HACE1: variants seen among roughly 807,000 people sequenced by gnomAD.
The protein encoded by HACE1 is HECT domain and ankyrin repeat containing E3 ubiquitin protein ligase 1.
A neutral mutation model predicts 118.4 loss-of-function variants in HACE1; 73 were observed. The observed-to-expected ratio is 0.62, with a 90% CI of 0.51 to 0.75. The LOEUF is 0.75. Ranked by LOEUF, HACE1 falls within the 30% of genes least tolerant of loss-of-function variation. The pLI, the probability that HACE1 is intolerant of heterozygous loss-of-function variation, is 0.00. For synonymous variants in HACE1, 368 were observed against 374.8 expected, an observed-to-expected ratio of 0.98 and a Z score of 0.21; for missense variants, 749 against 1,102.2, an observed-to-expected ratio of 0.68 and a Z score of 4.54.
At chr6:104,806,317 T>A (rs1770991093) in intron 7 of HACE1, among the ~76,000 whole-genome samples, 1 of 151,948 alleles carries the variant, frequency 6.6e-6, no homozygotes, top group East Asian at 1.9e-4. Context: ...GAAAAATTAG[T>A]TCAGTATGGT....
At chr6:104,790,115 C>T (rs1313522534) in intron 11 of HACE1, among the ~76,000 whole-genome samples, 3 of 151,102 alleles carry the variant, frequency 2.0e-5, no homozygotes, top group African/African-American at 7.3e-5. Context: ...TGCACACACA[C>T]ACATACATAT....
At chr6:104,738,109 T>C (rs1393349724) in intron 22 of HACE1, among the ~76,000 whole-genome samples, 2 of 151,762 alleles carry the variant, frequency 1.3e-5, no homozygotes, top group African/African-American at 2.4e-5. Context: ...CTGAGGGTCC[T>C]GTCTGTTAGA....
chr6:104,734,142 C>CAAAAAAAAAAAA (rs11370746), intron 22 of HACE1, among the ~76,000 whole-genome samples: 2 of 87,174 alleles, frequency 2.3e-5, no homozygotes, highest in African/African-American at 4.1e-5. Flanking sequence ...GACTCTTCCT[C>CAAAAAAAAAAAA]AAAAAAAAAA....
intron 1 of HACE1, among the ~76,000 whole-genome samples, chr6:104,852,601 T>C (rs527293357): frequency 3.9e-5 from 6 of 152,222 alleles, no homozygotes; most frequent in Non-Finnish European, 8.8e-5. Flanking sequence ...GCTTAGCTTC[T>C]GGATGTAAAA....
chr6:104,848,937 G>A (rs1260981068), intron 4 of HACE1, among the ~76,000 whole-genome samples: 1 of 151,894 alleles, frequency 6.6e-6, no homozygotes, highest in African/African-American at 2.4e-5. Context: ...TGAATATAAT[G>A]ACCCCAGATC....
In HACE1 at chr6:104,771,991, A is replaced by T; in HGVS notation, c.1948T>A (p.Leu650Ile). The change falls in exon 18 of 24, where the codon TTA becomes ATA. Residue 650 changes from leucine (L) to isoleucine (I), a missense_variant. Coordinates refer to ENST00000262903, the MANE Select transcript of HACE1 (RefSeq NM_020771.4). ...ACCAGCTGCCTGTGGTTCAACGCTAATCCCAAGATCTGCCCAGCAAACCGA... is the reference window on the plus strand; with the variant it reads ...ACCAGCTGCCTGTGGTTCAACGCTATTCCCAAGATCTGCCCAGCAAACCGA... ...YFRFAGQILG[L>I]ALNHRQLVNI... 1 of 1,608,936 alleles carries T rather than the reference A, an allele frequency of 6.2e-7. No individual in the cohort carries two copies. Among genetic ancestry groups the T allele is most frequent in the Non-Finnish European group, 8.5e-7 (1 of 1,175,350 alleles).
At chr6:104,757,138 G>A (rs1001988185) in intron 19 of HACE1, among the ~76,000 whole-genome samples, 2 of 152,176 alleles carry the variant, frequency 1.3e-5, no homozygotes, top group South Asian at 2.1e-4. Context: ...GGGGCAGGAC[G>A]TACCTGAACA....
At chr6:104,765,139 C>T (rs1283991252) in intron 19 of HACE1, among the ~76,000 whole-genome samples, 2 of 152,162 alleles carry the variant, frequency 1.3e-5, no homozygotes, top group African/African-American at 2.4e-5. Flanking sequence ...ACATGGCAAA[C>T]ACATTATTTT....
At chr6:104,804,355 A>G (rs1014054269) in intron 7 of HACE1, among the ~76,000 whole-genome samples, 1 of 152,224 alleles carries the variant, frequency 6.6e-6, no homozygotes, top group Admixed American at 6.5e-5. Flanking sequence ...ACAGAATTGG[A>G]AAAAACTACT....
At chr6:104,824,909 TAAAAAAAAAA>T (rs575110963) in intron 6 of HACE1, 1 of 135,950 alleles carries the variant, frequency 7.4e-6, no homozygotes, top group Non-Finnish European at 1.6e-5. Context: ...CCGTCTCTAC[TAAAAAAAAAA>T]AAAAATACAA....
intron 7 of HACE1, among the ~76,000 whole-genome samples, chr6:104,807,258 G>A (rs1377879330): frequency 6.6e-6 from 1 of 151,948 alleles, no homozygotes; most frequent in African/African-American, 2.4e-5. Context: ...TCTTGACCTC[G>A]TGATCCACCC....
At chr6:104,825,310 G>C (rs147758732) in intron 6 of HACE1, among the ~76,000 whole-genome samples, 6 of 152,044 alleles carry the variant, frequency 3.9e-5, no homozygotes, top group Non-Finnish European at 7.4e-5. Context: ...ACCTCTTTGC[G>C]AGGCAGATGG....
At chr6:104,748,816 A>G (rs1777726803) in intron 20 of HACE1, among the ~76,000 whole-genome samples, 1 of 152,212 alleles carries the variant, frequency 6.6e-6, no homozygotes, top group African/African-American at 2.4e-5. Flanking sequence ...CATTCTATTT[A>G]CATAATTCTA....
intron 1 of HACE1, among the ~76,000 whole-genome samples, chr6:104,853,244 T>C (rs1434728907): frequency 6.6e-6 from 1 of 152,228 alleles, no homozygotes; most frequent in East Asian, 1.9e-4. Context: ...CTTCCCAGCT[T>C]CCAGAACTGT....
At chr6:104,810,614 T>C (rs552895350) in intron 7 of HACE1, among the ~76,000 whole-genome samples, 3 of 152,208 alleles carry the variant, frequency 2.0e-5, no homozygotes, top group Admixed American at 1.3e-4. Flanking sequence ...TGTGACGGCA[T>C]GTGTATAATT....
intron 19 of HACE1, among the ~76,000 whole-genome samples, chr6:104,752,147 T>C (rs867100912): frequency 1.3e-5 from 2 of 152,122 alleles, no homozygotes; most frequent in South Asian, 2.1e-4. Flanking sequence ...ATCTCTGCTA[T>C]TCAATCTAGT....
intron 22 of HACE1, among the ~76,000 whole-genome samples, chr6:104,739,977 A>G (rs1776444324): frequency 6.6e-6 from 1 of 151,512 alleles, no homozygotes; most frequent in African/African-American, 2.4e-5. Context: ...CTCTCAGACC[A>G]CAGTGCAATC....
chr6:104,836,534 G>A (rs1433829558), intron 5 of HACE1, among the ~76,000 whole-genome samples: 2 of 151,976 alleles, frequency 1.3e-5, no homozygotes, highest in African/African-American at 4.8e-5. Context: ...CCAACAAGGT[G>A]TAACCCCGTC....
chr6:104,846,144 G>A (rs1353771269), intron 4 of HACE1, among the ~76,000 whole-genome samples: 2 of 152,274 alleles, frequency 1.3e-5, no homozygotes, highest in East Asian at 3.9e-4. Flanking sequence ...AGGGAATGTA[G>A]GAGAGAAATA....
Sources: gnomAD v4.1 joint callset for allele counts (sites outside exome capture counted in the v4.1 genomes callset) on GRCh38, gnomAD v4.1.1 for gene constraint, MANE v1.5 for transcripts, NCBI Gene and HGNC (gene_info 2026-07-23, HGNC 2026-07-21) for gene names.